Variants in ASPH observed in about 807,000 individuals in gnomAD.
ASPH encodes the protein aspartate beta-hydroxylase, also known as aspartyl/asparaginyl beta-hydroxylase.
ASPH carries 100 observed loss-of-function variants against 118.4 expected under a neutral mutation model. That is an observed-to-expected ratio of 0.84 (90% confidence interval 0.72 to 1.00). The LOEUF (loss-of-function observed/expected upper bound fraction) is 1.00, where lower values mean the gene tolerates loss of function less well. ASPH is among the 50% of genes least tolerant of loss of function. The pLI, the probability that ASPH is intolerant of heterozygous loss-of-function variation, is 0.00. For missense variants in ASPH, 920 were observed against 919.5 expected (o/e 1.00, Z -0.01); for synonymous variants, 315 against 325.6 (o/e 0.97, Z 0.35).
intron 15 of ASPH, among the ~76,000 whole-genome samples, chr8:61,581,163 G>T (rs1354820334): frequency 6.6e-6 from 1 of 152,220 alleles, no homozygotes; most frequent in Non-Finnish European, 1.5e-5. Context: ...GAGGCTCTGT[G>T]ACTTTCCTGA....
intron 10 of ASPH, 34 bp from the exon 11 acceptor site, chr8:61,638,397 A>C (rs1218394679): frequency 6.6e-7 from 1 of 1,518,902 alleles, no homozygotes; most frequent in East Asian, 2.3e-5. Context: ...AAATCCCGTA[A>C]CTTTCATTGT....
At position 61,710,492 on chromosome 8, in the gene ASPH, G is replaced by A. The variant is rs964750610; in HGVS notation, c.103+3777C>T. On this transcript the variant is annotated intron_variant, in intron 1 of 24. Coordinates refer to ENST00000379454, the MANE Select transcript of ASPH (RefSeq NM_004318.4). ...TATTTTAAAGCAAGACTAAAATATA[G>A]TCCAAAATATAGAACTTTCACTTCC... 2.0e-5 allele frequency among the ~76,000 whole-genome samples: 3 copies of A among 152,126 alleles called. No homozygotes were observed. In the East Asian group the frequency reaches 5.8e-4, roughly 29 times the overall value.
At chr8:61,627,567 C>T (rs2150654848) in intron 13 of ASPH, among the ~76,000 whole-genome samples, 1 of 152,212 alleles carries the variant, frequency 6.6e-6, no homozygotes, top group South Asian at 2.1e-4. Flanking sequence ...ATAAATTATA[C>T]CCCAATAGAA....
chr8:61,659,758 A>G (rs556944977), intron 3 of ASPH: 23 of 152,372 alleles, frequency 1.5e-4, no homozygotes, highest in African/African-American at 5.5e-4. Context: ...GGTCTGCTAC[A>G]TATCACCCAT....
chr8:61,520,916 T>C (rs1358618205), intron 22 of ASPH, among the ~76,000 whole-genome samples: 1 of 152,220 alleles, frequency 6.6e-6, no homozygotes, highest in African/African-American at 2.4e-5. Context: ...TTTCAAGGAA[T>C]TAGAGAACAC....
chr8:61,546,566 A>T lies in ASPH; in HGVS notation c.1764+1505T>A, dbSNP rs75892210. Among the ~76,000 whole-genome samples the T allele has an allele frequency of 2.6e-5, 4 of 152,220 alleles. 1 individual carries two copies. The highest frequency in any genetic ancestry group is 5.9e-5 in the Non-Finnish European group (4 of 68,032). On this transcript the variant is annotated intron_variant, in intron 21 of 24. Transcript: ENST00000379454. ...CTGGATATGGAACTTTAAAAAATCA[A>T]TCTGTATTAATTGTCACCATGCCAT...
chr8:61,634,950 G>C, intron 12 of ASPH, among the ~76,000 whole-genome samples: 1 of 151,996 alleles, frequency 6.6e-6, no homozygotes, highest in South Asian at 2.1e-4. Flanking sequence ...ATTTCTTCTG[G>C]TATATGATGT....
chr8:61,504,301 T>C (rs1463465979), intron 24 of ASPH, among the ~76,000 whole-genome samples: 1 of 152,206 alleles, frequency 6.6e-6, no homozygotes, highest in Non-Finnish European at 1.5e-5. Flanking sequence ...ACTGCCAATA[T>C]ATTAAATACC....
intron 21 of ASPH, among the ~76,000 whole-genome samples, chr8:61,532,497 T>G (rs1404035891): frequency 6.6e-6 from 1 of 152,242 alleles, no homozygotes; most frequent in African/African-American, 2.4e-5. Flanking sequence ...TTTCATTTTA[T>G]TGTTTCTTTT....
intron 21 of ASPH, among the ~76,000 whole-genome samples, chr8:61,545,570 C>T (rs1823541300): frequency 6.6e-6 from 1 of 152,098 alleles, no homozygotes; most frequent in South Asian, 2.1e-4. Context: ...GGGAACATAG[C>T]TTTGGTAGAA....
intron 2 of ASPH, among the ~76,000 whole-genome samples, chr8:61,681,514 AATCTAAGT>A (rs1375889200): frequency 6.6e-6 from 1 of 151,870 alleles, no homozygotes; most frequent in African/African-American, 2.4e-5. Context: ...ATTAACATAG[AATCTAAGT>A]ACTAAAAACT....
rs190694676 is a variant in ASPH at position 61,630,946 on chromosome 8, G to A, written c.934+2737C>T. ...ACCTTTCAATGGGACAAGATGTGGC[G>A]GTGGAAGACAGTGATATTGATGATC... On this transcript the variant is annotated intron_variant, in intron 13 of 24. Transcript: ENST00000379454. Among the ~76,000 whole-genome samples, 83 of 152,106 alleles carry A rather than the reference G, an allele frequency of 5.5e-4. No individual in the cohort carries two copies. The East Asian group carries it at 0.011, about 21-fold the overall frequency.
chr8:61,634,113 T>C (rs1856782078), intron 12 of ASPH, among the ~76,000 whole-genome samples: 2 of 152,348 alleles, frequency 1.3e-5, no homozygotes, highest in South Asian at 4.1e-4. Context: ...CTATCCTTCA[T>C]GAAGTTGTTT....
At chr8:61,711,187 C>A (rs1374149549) in intron 1 of ASPH, among the ~76,000 whole-genome samples, 1 of 151,882 alleles carries the variant, frequency 6.6e-6, no homozygotes, top group Non-Finnish European at 1.5e-5. Context: ...AGCAGGACAC[C>A]CAGACAAAAT....
chr8:61,665,323 G>A, intron 3 of ASPH: 2 of 1,613,356 alleles, frequency 1.2e-6, no homozygotes, highest in South Asian at 2.2e-5. Flanking sequence ...TTTCCTTTCT[G>A]TCATCTTTGT....
At chr8:61,709,248 A>G (rs1837482814) in intron 1 of ASPH, among the ~76,000 whole-genome samples, 1 of 152,158 alleles carries the variant, frequency 6.6e-6, no homozygotes. Context: ...AGCATCCCTC[A>G]CATCAGGGGA....
intron 21 of ASPH, among the ~76,000 whole-genome samples, chr8:61,541,935 T>C (rs941804482): frequency 2.6e-5 from 4 of 152,206 alleles, no homozygotes; most frequent in Non-Finnish European, 4.4e-5. Flanking sequence ...ACAAGATATA[T>C]AAGCAGAAGT....
chr8:61,512,262 GA>G (rs1554594617), intron 24 of ASPH, among the ~76,000 whole-genome samples: 1 of 152,028 alleles, frequency 6.6e-6, no homozygotes, highest in African/African-American at 2.4e-5. Context: ...ACCTGATTTG[GA>G]AAAAAGATCT....
intron 1 of ASPH, among the ~76,000 whole-genome samples, chr8:61,701,536 T>C (rs896618860): frequency 1.3e-5 from 2 of 152,244 alleles, no homozygotes; most frequent in African/African-American, 4.8e-5. Context: ...TTCATTTTAA[T>C]AATGTTACAA....
Sources: gnomAD v4.1 joint callset for allele counts (sites outside exome capture counted in the v4.1 genomes callset) on GRCh38, gnomAD v4.1.1 for gene constraint, MANE v1.5 for transcripts, NCBI Gene and HGNC (gene_info 2026-07-23, HGNC 2026-07-21) for gene names.